EFHC2: variants seen among roughly 807,000 people sequenced by gnomAD.
EFHC2 encodes EF-hand domain containing 2, also known as EF-hand domain-containing family member C2.
Under a neutral mutation model 52.7 loss-of-function variants are expected in EFHC2, and 18 were observed. The observed-to-expected ratio is 0.34, with a 90% CI of 0.24 to 0.51. The LOEUF is 0.51. Ranked by LOEUF, EFHC2 falls within the 20% of genes least tolerant of loss-of-function variation. The pLI, the probability that EFHC2 is intolerant of heterozygous loss-of-function variation, is 0.97. For synonymous variants in EFHC2, 203 were observed against 204.1 expected, an observed-to-expected ratio of 0.99 and a Z score of 0.04; for missense variants, 513 against 562.5, an observed-to-expected ratio of 0.91 and a Z score of 0.89.
intron 11 of EFHC2, among the ~76,000 whole-genome samples, chrX:44,217,214 G>A (rs2037158102): frequency 9.0e-6 from 1 of 111,081 alleles, no homozygotes; most frequent in Non-Finnish European, 1.9e-5. Flanking sequence ...CCGAGAGACA[G>A]GCAATAACAA....
intron 13 of EFHC2, among the ~76,000 whole-genome samples, chrX:44,169,805 A>T (rs1347276368): frequency 1.8e-5 from 2 of 111,238 alleles, no homozygotes; most frequent in Admixed American, 1.9e-4. Context: ...TAAAGAGAAG[A>T]TCCTAAGAGC....
chrX:44,332,081 T>C (rs908612454), intron 1 of EFHC2, among the ~76,000 whole-genome samples: 2 of 109,604 alleles, frequency 1.8e-5, no homozygotes, highest in African/African-American at 6.7e-5. Flanking sequence ...AAAGAGAAGG[T>C]CCACGTTCCT....
At chrX:44,339,949 A>G (rs1405744939) in intron 1 of EFHC2, among the ~76,000 whole-genome samples, 2 of 112,071 alleles carry the variant, frequency 1.8e-5, no homozygotes, top group Non-Finnish European at 3.8e-5. Context: ...ATTTTGGCAT[A>G]TACTAGGATA....
intron 1 of EFHC2, among the ~76,000 whole-genome samples, chrX:44,333,691 C>T (rs1207574456): frequency 9.1e-6 from 1 of 110,145 alleles, no homozygotes; most frequent in Non-Finnish European, 1.9e-5. Flanking sequence ...TTTTCCCTTT[C>T]CCACCTCCAA....
intron 1 of EFHC2, among the ~76,000 whole-genome samples, chrX:44,314,474 C>T (rs1169983394): frequency 8.9e-6 from 1 of 112,095 alleles, no homozygotes; most frequent in African/African-American, 3.2e-5. Flanking sequence ...CTGCCCTGGG[C>T]AGATAACAGC....
At chrX:44,235,676 G>C (rs182180241) in intron 8 of EFHC2, among the ~76,000 whole-genome samples, 1 of 112,455 alleles carries the variant, frequency 8.9e-6, no homozygotes, top group African/African-American at 3.2e-5. Flanking sequence ...GTAACACATT[G>C]GGAAAATGAA....
At chrX:44,330,085 C>CA (rs34888507) in intron 1 of EFHC2, among the ~76,000 whole-genome samples, 16,096 of 46,419 alleles carry the variant, frequency 0.35, 3,063 homozygotes, top group Middle Eastern at 0.45. Flanking sequence ...CCTGTCTCTA[C>CA]AAAAAAAAAA....
At chrX:44,179,283 T>C (rs186473937) in intron 11 of EFHC2, among the ~76,000 whole-genome samples, 62 of 111,715 alleles carry the variant, frequency 5.5e-4, no homozygotes, top group South Asian at 1.9e-3. Flanking sequence ...CTAAGCAGCA[T>C]ACACCAGACA....
At chrX:44,284,236 C>T (rs2037734913) in intron 2 of EFHC2, 1 of 111,932 alleles carries the variant, frequency 8.9e-6, no homozygotes, top group Admixed American at 9.4e-5. Flanking sequence ...ATTTGGAGTT[C>T]CTTTCGTCCT....
intron 13 of EFHC2, among the ~76,000 whole-genome samples, chrX:44,166,605 C>A (rs1013733998): frequency 1.8e-5 from 2 of 111,440 alleles, no homozygotes; most frequent in Non-Finnish European, 3.8e-5. Context: ...TTGAGGAGAT[C>A]ATCAATAAAA....
At chrX:44,153,754 C>T (rs1703789152) in intron 14 of EFHC2, among the ~76,000 whole-genome samples, 4 of 112,134 alleles carry the variant, frequency 3.6e-5, no homozygotes, top group African/African-American at 1.3e-4. Context: ...TTTTTGGCAA[C>T]ATAAGAAATC....
intron 1 of EFHC2, among the ~76,000 whole-genome samples, chrX:44,321,429 T>C (rs1036875024): frequency 1.8e-5 from 2 of 111,498 alleles, no homozygotes; most frequent in African/African-American, 6.5e-5. Context: ...ATATAAAAAT[T>C]TGATATACAT....
intron 14 of EFHC2, among the ~76,000 whole-genome samples, chrX:44,153,251 G>C (rs1323254145): frequency 1.8e-5 from 2 of 112,021 alleles, no homozygotes; most frequent in Non-Finnish European, 3.8e-5. Context: ...AAATATTCAT[G>C]AGATTTGGAA....
chrX:44,172,055 G>C (rs947488883), intron 13 of EFHC2, among the ~76,000 whole-genome samples: 1 of 111,917 alleles, frequency 8.9e-6, no homozygotes, highest in Admixed American at 9.4e-5. Context: ...GGGCAAGGCT[G>C]GGTAGACTAT....
intron 2 of EFHC2, chrX:44,309,343 T>A (rs1343692417): frequency 3.0e-5 from 23 of 760,880 alleles, no homozygotes; most frequent in Non-Finnish European, 4.1e-5. Context: ...GTAAAAGAAT[T>A]CTCTTTTGGA....
chrX:44,231,518 C>G lies in EFHC2; in HGVS notation c.1620+963G>C, dbSNP rs186642808. On this transcript the variant is annotated intron_variant, in intron 10 of 14. Coordinates refer to ENST00000420999, the MANE Select transcript of EFHC2 (RefSeq NM_025184.4). ...AACCTGCCTCCCGGTCTGAAGGTCC[C>G]CCCTGCCCACTCCTGCCCCCTCCCC... Among the ~76,000 whole-genome samples the G allele has an allele frequency of 2.7e-5, 3 of 109,272 alleles. No homozygotes were observed. In the East Asian group the frequency reaches 8.7e-4, roughly 32 times the overall value. The allele number at this position is 109,272 out of a possible 115,157, so 94.9% of individuals were successfully genotyped here. A position where few individuals can be genotyped will look rare whatever the true frequency, so the allele number is the denominator to read the frequency against.
intron 3 of EFHC2, among the ~76,000 whole-genome samples, chrX:44,270,184 A>G (rs998718306): frequency 2.3e-4 from 26 of 111,941 alleles, no homozygotes; most frequent in Admixed American, 1.9e-4. Context: ...AACATAGCAC[A>G]GTGCCTGACA....
At chrX:44,243,497 G>T (rs773380696) in intron 7 of EFHC2, among the ~76,000 whole-genome samples, 2 of 111,881 alleles carry the variant, frequency 1.8e-5, no homozygotes, top group African/African-American at 6.5e-5. Context: ...GTGGTTGTTT[G>T]GTTTTTGTTT....
intron 11 of EFHC2, among the ~76,000 whole-genome samples, chrX:44,184,199 C>A (rs1279428757): frequency 9.0e-6 from 1 of 111,643 alleles, no homozygotes; most frequent in Admixed American, 9.5e-5. Context: ...CCTCTGCTGT[C>A]GCTAGGAATT....
Sources: allele counts gnomAD v4.1 joint callset (sites outside exome capture counted in the v4.1 genomes callset), GRCh38; gene constraint gnomAD v4.1.1; transcripts MANE v1.5; gene names NCBI Gene and HGNC (gene_info 2026-07-23, HGNC 2026-07-21).